TNIP1: variants seen among roughly 807,000 people sequenced by gnomAD.
TNIP1 encodes the protein TNFAIP3 interacting protein 1.
TNIP1 carries 22 observed loss-of-function variants against 86.6 expected under a neutral mutation model. That is an observed-to-expected ratio of 0.25 (90% CI 0.18 to 0.36). The LOEUF (loss-of-function observed/expected upper bound fraction) is 0.36. Ranked by LOEUF, TNIP1 falls within the 10% of genes least tolerant of loss-of-function variation. TNIP1 has a pLI of 1.00. For missense variants in TNIP1, 709 were observed against 820.6 expected (o/e 0.86, Z 1.66); for synonymous variants, 294 against 313.0 (o/e 0.94, Z 0.64).
chr5:151,053,889 C>G (rs1760306323), intron 6 of TNIP1, among the ~76,000 whole-genome samples: 1 of 152,194 alleles, frequency 6.6e-6, no homozygotes, highest in African/African-American at 2.4e-5. Flanking sequence ...GTCTCTTTCC[C>G]CTGTGATGAA....
intron 5 of TNIP1, among the ~76,000 whole-genome samples, chr5:151,059,132 T>C (rs1761059573): frequency 6.6e-6 from 1 of 152,168 alleles, no homozygotes. Flanking sequence ...GGAGGCTGTG[T>C]TGTCTTGGCT....
intron 3 of TNIP1, 126 bp from the exon 4 acceptor site, chr5:151,062,338 G>A (rs1761684144): frequency 1.2e-6 from 1 of 842,062 alleles, no homozygotes; most frequent in East Asian, 2.7e-5. Flanking sequence ...GTGGGAGAAT[G>A]GGAGGTGGTC....
chr5:151,036,206 G>A (rs1757684814), intron 13 of TNIP1, among the ~76,000 whole-genome samples: 1 of 152,178 alleles, frequency 6.6e-6, no homozygotes, highest in African/African-American at 2.4e-5. Flanking sequence ...TAGGTTCAAG[G>A]CAGTTTAGGA....
At chr5:151,076,833 A>G (rs1305334025) in intron 1 of TNIP1, among the ~76,000 whole-genome samples, 1 of 152,196 alleles carries the variant, frequency 6.6e-6, no homozygotes, top group East Asian at 1.9e-4. Context: ...GCAGAGGGGC[A>G]CTGGGGCTGT....
At chr5:151,044,477 C>T (rs752242570) in intron 9 of TNIP1, among the ~76,000 whole-genome samples, 1 of 152,074 alleles carries the variant, frequency 6.6e-6, no homozygotes, top group South Asian at 2.1e-4. Flanking sequence ...AAACTGTAAT[C>T]AGTTGTGGTT....
At chr5:151,060,483 C>T in intron 4 of TNIP1, 88 bp from the exon 5 acceptor site, 1 of 1,160,790 alleles carries the variant, frequency 8.6e-7, no homozygotes, top group Admixed American at 1.9e-5. Context: ...GCAAGGGGGA[C>T]AAAATCTCTT....
intron 1 of TNIP1, among the ~76,000 whole-genome samples, chr5:151,076,552 C>G (rs758355435): frequency 1.3e-5 from 2 of 152,196 alleles, no homozygotes; most frequent in Non-Finnish European, 2.9e-5. Context: ...GGCGAACAGA[C>G]GTGCCCACAG....
intron 6 of TNIP1, 111 bp from the exon 7 acceptor site, chr5:151,052,370 A>G (rs944435040): frequency 2.3e-6 from 2 of 865,460 alleles, no homozygotes; most frequent in Non-Finnish European, 3.7e-6. Context: ...CCAACTCCTT[A>G]TCCCCTTTGC....
At chr5:151,036,520 T>G (rs930766625) in intron 13 of TNIP1, among the ~76,000 whole-genome samples, 2 of 152,260 alleles carry the variant, frequency 1.3e-5, no homozygotes, top group Non-Finnish European at 2.9e-5. Flanking sequence ...TTAAATTCAT[T>G]TATTTAGAAT....
At chr5:151,052,554 C>A (rs1329061897) in intron 6 of TNIP1, among the ~76,000 whole-genome samples, 1 of 152,154 alleles carries the variant, frequency 6.6e-6, no homozygotes, top group Admixed American at 6.5e-5. Context: ...ACTGCCGGGA[C>A]CCCTATTCCC....
intron 9 of TNIP1, among the ~76,000 whole-genome samples, chr5:151,044,256 G>A (rs916619122): frequency 6.6e-6 from 1 of 151,956 alleles, no homozygotes; most frequent in South Asian, 2.1e-4. Flanking sequence ...TGCCCAGGCT[G>A]GTCTCAAACT....
At chr5:151,082,717 A>G (rs886081728), upstream of TNIP1, among the ~76,000 whole-genome samples, 5 of 152,206 alleles carry the variant, frequency 3.3e-5, no homozygotes, top group African/African-American at 1.2e-4. Context: ...TCCGCTGGGA[A>G]TTCTCAAGCT....
chr5:151,063,804 C>T, intron 2 of TNIP1, 57 bp from the exon 3 acceptor site: 2 of 1,588,488 alleles, frequency 1.3e-6, no homozygotes, highest in Non-Finnish European at 1.7e-6. Context: ...TGTGCTGCTT[C>T]TCCCCGTCCC....
chr5:151,042,097 C>T (rs1000109663), intron 11 of TNIP1, among the ~76,000 whole-genome samples: 9 of 152,114 alleles, frequency 5.9e-5, no homozygotes, highest in Non-Finnish European at 1.0e-4. Flanking sequence ...CCTGCTGCCA[C>T]ACCTGGCTAA....
chr5:151,054,248 G>T (rs1046294995), intron 6 of TNIP1, among the ~76,000 whole-genome samples: 2 of 152,348 alleles, frequency 1.3e-5, no homozygotes, highest in East Asian at 3.9e-4. Flanking sequence ...GAATAGGAGG[G>T]AAAACTTTTG....
chr5:151,034,426 G>GCA (rs1757406407), intron 15 of TNIP1: 1 of 264,740 alleles, frequency 3.8e-6, no homozygotes. Context: ...GGAAGGCTGG[G>GCA]TACATGGGCA....
chr5:151,060,437 G>T (rs1316267795), intron 4 of TNIP1, 42 bp from the exon 5 acceptor site: 2 of 1,593,004 alleles, frequency 1.3e-6, no homozygotes, highest in Non-Finnish European at 8.6e-7. Flanking sequence ...GAGAAAAACA[G>T]CTCACCCCTC....
intron 5 of TNIP1, among the ~76,000 whole-genome samples, chr5:151,058,405 C>T (rs1420859921): frequency 6.6e-6 from 1 of 152,250 alleles, no homozygotes; most frequent in East Asian, 1.9e-4. Flanking sequence ...ATCTGGAATA[C>T]TCCTACCAAA....
At chr5:151,059,862 TGTGTGCGCGCGCGCGC>T (rs1761286538) in intron 5 of TNIP1, among the ~76,000 whole-genome samples, 9 of 96,500 alleles carry the variant, frequency 9.3e-5, no homozygotes, top group South Asian at 3.4e-4. Context: ...TGTGTGTGTG[TGTGTGCGCGCGCGCGC>T]GCGCATGCGT....
Sources: allele counts gnomAD v4.1 joint callset (sites outside exome capture counted in the v4.1 genomes callset), GRCh38; gene constraint gnomAD v4.1.1; transcripts MANE v1.5; gene names NCBI Gene and HGNC (gene_info 2026-07-23, HGNC 2026-07-21).